LGR6: variants seen among roughly 807,000 people sequenced by gnomAD.
LGR6 encodes leucine-rich repeat-containing G protein-coupled receptor 6.
LGR6 carries 45 observed loss-of-function variants against 69.4 expected under a neutral mutation model. The ratio of observed to expected loss-of-function variants is 0.65; its 90% confidence interval spans 0.51 to 0.83. The LOEUF is 0.83. LGR6 is among the 40% of genes least tolerant of loss of function. The probability of loss-of-function intolerance (pLI) is 0.00; values close to 1 mark genes in which losing one functional copy is unlikely to be tolerated. For missense variants in LGR6, 1,108 were observed against 1,246.7 expected, an observed-to-expected ratio of 0.89 and a Z score of 1.68; for synonymous variants, 538 against 555.0, an observed-to-expected ratio of 0.97 and a Z score of 0.43.
chr1:202,265,119 C>G (rs1248973194), intron 4 of LGR6, among the ~76,000 whole-genome samples: 1 of 152,142 alleles, frequency 6.6e-6, no homozygotes, highest in African/African-American at 2.4e-5. Context: ...CTCCCACCTC[C>G]CCTCTCTCCT....
chr1:202,306,728 T>C (rs1159701629), intron 12 of LGR6, 140 bp from the exon 13 acceptor site: 1 of 781,602 alleles, frequency 1.3e-6, no homozygotes. Context: ...TTAATTCTGG[T>C]GACTTCCTCG....
chr1:202,218,644 A>G (rs916166188), intron 1 of LGR6, among the ~76,000 whole-genome samples: 1 of 152,140 alleles, frequency 6.6e-6, no homozygotes, highest in African/African-American at 2.4e-5. Flanking sequence ...CACAATGCCA[A>G]CGGAGCCCCC....
chr1:202,273,853 C>T (rs1571941191), intron 4 of LGR6, among the ~76,000 whole-genome samples: 1 of 152,084 alleles, frequency 6.6e-6, no homozygotes, highest in African/African-American at 2.4e-5. Context: ...ATTCATGACA[C>T]CCCTTTCCAT....
rs148611903 is a variant in LGR6, at chr1:202,299,492, G to C, written c.786-1357G>C. On this transcript the variant is annotated intron_variant, in intron 7 of 17. Coordinates refer to ENST00000367278, the MANE Select transcript of LGR6 (RefSeq NM_001017403.2). Reference sequence around the variant, plus strand: ...TTAGCAGGGACAAAAATATATGGGAGGGGGTGTACCTGTCTATCTCCATCT... The same window carrying C: ...TTAGCAGGGACAAAAATATATGGGACGGGGTGTACCTGTCTATCTCCATCT... Among the ~76,000 whole-genome samples the C allele has an allele frequency of 5.5e-3, 839 of 152,166 alleles. 11 individuals are homozygous for C. The highest frequency in any genetic ancestry group is 0.019 in the African/African-American group (800 of 41,494).
intron 1 of LGR6, among the ~76,000 whole-genome samples, chr1:202,209,768 C>A (rs1169725596): frequency 1.3e-5 from 2 of 152,190 alleles, no homozygotes; most frequent in Non-Finnish European, 2.9e-5. Context: ...GTGAGGAATG[C>A]AGAAGCTCAG....
intron 16 of LGR6, among the ~76,000 whole-genome samples, chr1:202,312,993 C>A (rs1264780748): frequency 1.3e-5 from 2 of 152,042 alleles, no homozygotes; most frequent in Non-Finnish European, 2.9e-5. Context: ...CTTTGGGAGG[C>A]CGAGGCAGGC....
chr1:202,271,386 G>T (rs1353579551), intron 4 of LGR6, among the ~76,000 whole-genome samples: 1 of 152,166 alleles, frequency 6.6e-6, no homozygotes. Context: ...TCTCCAGAGA[G>T]CACCTTATCC....
chr1:202,205,473 C>A (rs1571809675), intron 1 of LGR6, among the ~76,000 whole-genome samples: 1 of 113,124 alleles, frequency 8.8e-6, no homozygotes, highest in African/African-American at 3.3e-5. Context: ...AACACACACA[C>A]ACCTCCTTCA....
intron 1 of LGR6, chr1:202,197,369 A>G (rs61823731): frequency 0.061 from 32,362 of 531,706 alleles, 1,732 homozygotes; most frequent in Admixed American, 0.19. Flanking sequence ...TGTTTGATCA[A>G]GGTTGGGAAG....
intron 3 of LGR6, among the ~76,000 whole-genome samples, chr1:202,231,466 CAG>C (rs1349416992): frequency 6.6e-6 from 1 of 152,140 alleles, no homozygotes; most frequent in Non-Finnish European, 1.5e-5. Context: ...GATGGGATGA[CAG>C]GGAGTGGATC....
intron 1 of LGR6, chr1:202,203,874 C>G: frequency 1.2e-6 from 2 of 1,612,072 alleles, no homozygotes; most frequent in East Asian, 4.5e-5. Flanking sequence ...CATCTCTGCC[C>G]GGTGAGTTGT....
rs1667305717 is a variant in LGR6, at chr1:202,298,235, T to TA, written c.785+661dup. On this transcript the variant is annotated intron_variant, in intron 7 of 17. Coordinates refer to ENST00000367278, the MANE Select transcript of LGR6 (RefSeq NM_001017403.2). ...CTAAAACAGCGGTGGGAGTCCAGAG[T>TA]AATGTGGAAAGATCATTGTGGACAA... Among the ~76,000 whole-genome samples the TA allele has an allele frequency of 2.0e-5, 3 of 151,946 alleles. No individual in the cohort carries two copies. The South Asian group carries it at 6.2e-4, about 32-fold the overall frequency.
At chr1:202,249,670 CTT>C (rs1221396222) in intron 4 of LGR6, among the ~76,000 whole-genome samples, 5 of 152,198 alleles carry the variant, frequency 3.3e-5, no homozygotes, top group Admixed American at 3.3e-4. Context: ...AATTCGGAGA[CTT>C]GGGTGTCATC....
chr1:202,292,623 C>T (rs1381857050), intron 6 of LGR6, among the ~76,000 whole-genome samples: 1 of 151,930 alleles, frequency 6.6e-6, no homozygotes, highest in Non-Finnish European at 1.5e-5. Flanking sequence ...CAGTATGCAC[C>T]ACTTCTGACA....
At chr1:202,297,098 C>A (rs766555092) in intron 6 of LGR6, among the ~76,000 whole-genome samples, 2 of 152,196 alleles carry the variant, frequency 1.3e-5, no homozygotes, top group Admixed American at 1.3e-4. Flanking sequence ...ATGGAGACCA[C>A]AGTGGTCACC....
At chr1:202,304,120 C>T (rs1420406339) in intron 10 of LGR6, among the ~76,000 whole-genome samples, 1 of 152,156 alleles carries the variant, frequency 6.6e-6, no homozygotes, top group Non-Finnish European at 1.5e-5. Context: ...GCACAGGGAC[C>T]AAACTCTGTG....
intron 13 of LGR6, 96 bp from the exon 14 acceptor site, chr1:202,307,234 A>G: frequency 8.5e-7 from 1 of 1,170,842 alleles, no homozygotes. Flanking sequence ...TACTGGGGGC[A>G]GGTCAGATGG....
At chr1:202,213,244 T>C (rs922685886) in intron 1 of LGR6, among the ~76,000 whole-genome samples, 1 of 152,132 alleles carries the variant, frequency 6.6e-6, no homozygotes, top group Non-Finnish European at 1.5e-5. Context: ...CCATGTCCTC[T>C]TCTCCCCCTA....
chr1:202,205,977 C>CACACACACAT (rs1158669963), intron 1 of LGR6, among the ~76,000 whole-genome samples: 1 of 150,270 alleles, frequency 6.7e-6, no homozygotes. Context: ...ACAACACACA[C>CACACACACAT]ACACACACAC....
Sources: allele counts gnomAD v4.1 joint callset (sites outside exome capture counted in the v4.1 genomes callset), GRCh38; gene constraint gnomAD v4.1.1; transcripts MANE v1.5; gene names NCBI Gene and HGNC (gene_info 2026-07-23, HGNC 2026-07-21).